The following GALNT13 variants were observed in gnomAD, a reference collection of about 807,000 sequenced individuals.
GALNT13 encodes UDP-GalNAc:polypeptide N-acetylgalactosaminyltransferase 13.
GALNT13 carries 28 observed loss-of-function variants against 64.2 expected under a neutral mutation model. That is an observed-to-expected ratio of 0.44 (90% CI 0.32 to 0.60). The LOEUF is 0.60. Ranked by LOEUF, GALNT13 falls within the 20% of genes least tolerant of loss-of-function variation. GALNT13 has a pLI of 0.05. For synonymous variants in GALNT13, 214 were observed against 224.6 expected, an observed-to-expected ratio of 0.95 and a Z score of 0.42; for missense variants, 577 against 669.8, an observed-to-expected ratio of 0.86 and a Z score of 1.53.
At chr2:153,562,058 C>G in the GALNT13 span, among the ~76,000 whole-genome samples, 31 of 87,214 alleles carry the variant, frequency 3.6e-4, no homozygotes, top group South Asian at 8.5e-4. Flanking sequence ...CTCTCTCTCT[C>G]TCTGTGTGTG....
chr2:153,443,721 C>T, the GALNT13 span, among the ~76,000 whole-genome samples: 1 of 152,080 alleles, frequency 6.6e-6, no homozygotes, highest in Non-Finnish European at 1.5e-5. Context: ...TCAGGAGTTC[C>T]AGACCAGCCT....
the GALNT13 span, among the ~76,000 whole-genome samples, chr2:153,405,382 G>A: frequency 6.6e-6 from 1 of 152,170 alleles, no homozygotes; most frequent in African/African-American, 2.4e-5. Context: ...GCACAGGCAT[G>A]CACAAGTGTG....
chr2:154,409,391 TA>T (rs1699693414), intron 11 of GALNT13: 1 of 275,494 alleles, frequency 3.6e-6, no homozygotes, highest in East Asian at 8.9e-5. Context: ...ATTAACTGAA[TA>T]TAGAAAATAA....
the GALNT13 span, among the ~76,000 whole-genome samples, chr2:153,767,290 T>C: frequency 6.6e-6 from 1 of 152,166 alleles, no homozygotes; most frequent in Non-Finnish European, 1.5e-5. Context: ...AATTTATTCT[T>C]TTTATGGCTG....
chr2:153,396,422 G>A, the GALNT13 span, among the ~76,000 whole-genome samples: 1 of 152,002 alleles, frequency 6.6e-6, no homozygotes, highest in African/African-American at 2.4e-5. Flanking sequence ...TTCTTTGTGG[G>A]AAAGTGCTGG....
chr2:153,881,321 G>A lies in GALNT13; in HGVS notation c.-177+9018G>A, dbSNP rs191522932. Reference sequence around the variant, plus strand: ...TACTGACTTCACATCAAAAATCATTGTGATATTGATAGGCTGTGATAAATA... The same window carrying A: ...TACTGACTTCACATCAAAAATCATTATGATATTGATAGGCTGTGATAAATA... On this transcript the variant is annotated intron_variant, in intron 1 of 12. Transcript: ENST00000392825. Among the ~76,000 whole-genome samples the A allele has an allele frequency of 4.5e-3, 692 of 152,278 alleles. 7 individuals carry two copies. The highest frequency in any genetic ancestry group is 0.016 in the African/African-American group (659 of 41,558).
chr2:153,369,564 C>T, the GALNT13 span, among the ~76,000 whole-genome samples: 1 of 152,060 alleles, frequency 6.6e-6, no homozygotes. Flanking sequence ...CTGGTGATAT[C>T]CATGCCTGTA....
the GALNT13 span, among the ~76,000 whole-genome samples, chr2:153,758,933 A>G: frequency 3.0e-3 from 458 of 152,290 alleles, 3 homozygotes; most frequent in African/African-American, 0.011. Context: ...CAACCTGTGA[A>G]CATAAAATAT....
the GALNT13 span, among the ~76,000 whole-genome samples, chr2:153,596,137 G>A: frequency 1.3e-5 from 2 of 152,178 alleles, no homozygotes; most frequent in Non-Finnish European, 2.9e-5. Context: ...AACAGCCAGA[G>A]AGCTTCCATC....
At position 154,106,661 on chromosome 2, in the gene GALNT13, T is replaced by C. The variant is rs144493345; in HGVS notation, c.143-33676T>C. 8.6e-4 allele frequency among the ~76,000 whole-genome samples: 130 copies of C among 151,960 alleles called. 1 individual carries two copies. In the East Asian group the frequency reaches 0.024, roughly 28 times the overall value. On this transcript the variant is annotated intron_variant, in intron 3 of 12. Transcript: ENST00000392825. ...TATTATAGAAGTCAGGTAGTGTGAG[T>C]CTTACTTTTTTTCTTTAATGTTGTG...
In GALNT13 at chr2:154,121,168, T is replaced by A. The variant is rs181403322; in HGVS notation, c.143-19169T>A. 4.3e-3 allele frequency among the ~76,000 whole-genome samples: 651 copies of A among 152,300 alleles called. 2 individuals carry two copies. The highest frequency in any genetic ancestry group is 0.01 in the Middle Eastern group (3 of 294). On this transcript the variant is annotated intron_variant, in intron 3 of 12. Coordinates refer to ENST00000392825, the MANE Select transcript of GALNT13 (RefSeq NM_052917.4). ...CCCTTCTAAGTCAGATTTAATTCTG[T>A]TCTATGGAACATATGGATGTTTCAG...
At chr2:153,810,882 A>G in the GALNT13 span, among the ~76,000 whole-genome samples, 1 of 152,236 alleles carries the variant, frequency 6.6e-6, no homozygotes, top group African/African-American at 2.4e-5. Context: ...AGAAAAACTA[A>G]CCAAACATCA....
At chr2:153,153,663 C>CTTTTT in the GALNT13 span, among the ~76,000 whole-genome samples, 2 of 129,780 alleles carry the variant, frequency 1.5e-5, no homozygotes, top group Admixed American at 8.0e-5. Context: ...TTCCCCATTG[C>CTTTTT]TTTTTTTTTT....
chr2:153,414,855 A>G, the GALNT13 span, among the ~76,000 whole-genome samples: 1 of 152,170 alleles, frequency 6.6e-6, no homozygotes, highest in African/African-American at 2.4e-5. Context: ...TCCTCAGACC[A>G]ACTGTTTATA....
the GALNT13 span, among the ~76,000 whole-genome samples, chr2:153,322,939 A>C: frequency 6.6e-6 from 1 of 152,160 alleles, no homozygotes; most frequent in Admixed American, 6.5e-5. Context: ...TGCTATTGTG[A>C]ATAGTGCTTC....
intron 4 of GALNT13, among the ~76,000 whole-genome samples, chr2:154,198,675 A>G (rs937339347): frequency 2.6e-5 from 4 of 152,066 alleles, no homozygotes; most frequent in African/African-American, 9.6e-5. Flanking sequence ...AAATTACAGA[A>G]CAGAATATAA....
chr2:154,214,672 G>A (rs184053270), intron 4 of GALNT13, among the ~76,000 whole-genome samples: 20 of 152,122 alleles, frequency 1.3e-4, no homozygotes, highest in Middle Eastern at 3.4e-3. Flanking sequence ...TCTTCCTGCC[G>A]CCATGTGTGA....
intron 11 of GALNT13, among the ~76,000 whole-genome samples, chr2:154,426,269 T>C (rs1700465638): frequency 6.6e-6 from 1 of 152,216 alleles, no homozygotes; most frequent in South Asian, 2.1e-4. Context: ...CCCTCCGTTA[T>C]GTGCCATGTA....
chr2:154,212,506 A>C (rs1389328667), intron 4 of GALNT13, among the ~76,000 whole-genome samples: 1 of 152,146 alleles, frequency 6.6e-6, no homozygotes, highest in Non-Finnish European at 1.5e-5. Context: ...AGCCTCCCAA[A>C]GTGCTGGGAT....
Sources: gnomAD v4.1 joint callset for allele counts (sites outside exome capture counted in the v4.1 genomes callset) on GRCh38, gnomAD v4.1.1 for gene constraint, MANE v1.5 for transcripts, NCBI Gene and HGNC (gene_info 2026-07-23, HGNC 2026-07-21) for gene names.